ARRDC2: variants seen among roughly 807,000 people sequenced by gnomAD.
The protein encoded by ARRDC2 is arrestin domain containing 2.
In ARRDC2, 39 loss-of-function variants were observed where a neutral mutation model predicts 38.9. The observed-to-expected ratio is 1.00, with a 90% CI of 0.78 to 1.31. The LOEUF (loss-of-function observed/expected upper bound fraction) is 1.31. ARRDC2 is among the 50% of genes most tolerant of loss of function. The probability of loss-of-function intolerance (pLI) is 0.00; values close to 1 mark genes in which losing one functional copy is unlikely to be tolerated. For missense variants in ARRDC2, 553 were observed against 588.4 expected, an observed-to-expected ratio of 0.94 and a Z score of 0.62; for synonymous variants, 300 against 261.9, an observed-to-expected ratio of 1.15 and a Z score of -1.41.
At chr19:18,001,444 C>G (rs1346582505) in exon 1 of ARRDC2, 3 of 1,250,238 alleles carry the variant, frequency 2.4e-6, no homozygotes, top group Non-Finnish European at 3.0e-6. Context: ...GGTGCGAGCG[C>G]TCGAGGTGAA....
At chr19:18,007,707 C>T (rs2033307395), upstream of ARRDC2, 1 of 156,286 alleles carries the variant, frequency 6.4e-6, no homozygotes, top group Non-Finnish European at 1.4e-5. Flanking sequence ...CACCCACCTC[C>T]TCCACTTCTC....
chr19:18,002,019 G>C (rs939561576), intron 1 of ARRDC2, among the ~76,000 whole-genome samples: 8 of 152,202 alleles, frequency 5.3e-5, no homozygotes, highest in African/African-American at 1.9e-4. Flanking sequence ...AGACTGTGCG[G>C]TGGGGAGACC....
At chr19:18,001,945 C>G (rs1443582848) in intron 1 of ARRDC2, among the ~76,000 whole-genome samples, 1 of 152,192 alleles carries the variant, frequency 6.6e-6, no homozygotes, top group African/African-American at 2.4e-5. Context: ...AGGACCCCCA[C>G]TAACCGGGAA....
chr19:18,008,354 G>T lies in ARRDC2; in HGVS notation c.44G>T (p.Gly15Val). 1.9e-6 allele frequency: 3 copies of T among 1,597,044 alleles called. No homozygotes were observed. Among genetic ancestry groups the T allele is most frequent in the Non-Finnish European group, 1.7e-6 (2 of 1,179,046 alleles). ...AAAGCGTTCTCGGTGCAGTTGGACG[G>T]CGCGACCGCGGGCGTCGAGCCCGTG... ...KVKAFSVQLD[G>V]ATAGVEPVFS... is the part of the protein sequence containing the mutation. Residue 15 changes from glycine to valine, a missense_variant, in exon 1 of 8, where the codon GGC becomes GTC. This residue lies in a region of ARRDC2 where 447 missense variants were observed against 456.6 expected (regional missense o/e 0.98). Transcript: ENST00000222250.
Position 18,009,101 on chromosome 19 carries a change from A to G in ARRDC2, c.472A>G (p.Asn158Asp), listed in dbSNP as rs2033349415. ...VFTVIEPVDI[N>D]TPALLAPQAG... is the part of the protein sequence containing the mutation. ...CACTGTCATCGAGCCTGTGGACATC[A>G]ACACGCCAGCCCTGCTGGTGAGTGG... The change falls in exon 3 of 8, where the codon AAC (asparagine) becomes GAC (aspartate). Residue 158 changes from asparagine (N) to aspartate (D), a missense_variant. By Grantham distance (23) the Asn-to-Asp change is conservative (BLOSUM62 1). Transcript: ENST00000222250. 1.2e-6 allele frequency: 2 copies of G among 1,613,502 alleles called. No homozygotes were observed. Among genetic ancestry groups the G allele is most frequent in the South Asian group, 1.1e-5 (1 of 91,086 alleles).
At chr19:18,006,019 T>C, upstream of ARRDC2, among the ~76,000 whole-genome samples, 1 of 147,818 alleles carries the variant, frequency 6.8e-6, no homozygotes, top group South Asian at 2.1e-4. Context: ...TCCCCACATC[T>C]CAGACGATGG....
At position 18,013,976 on chromosome 19, in the gene ARRDC2, C is replaced by T. The variant is rs2033462403; in HGVS notation, c.*1010C>T. ...TTAGAGGGGGCAGCTGGACAAGCTCCCAACTGCAGAGTCCCAGCCCTGGCT... is the reference window on the plus strand; with the variant it reads ...TTAGAGGGGGCAGCTGGACAAGCTCTCAACTGCAGAGTCCCAGCCCTGGCT... On this transcript the variant is annotated 3_prime_UTR_variant, in exon 8 of 8. Coordinates refer to ENST00000222250, the MANE Select transcript of ARRDC2 (RefSeq NM_015683.2). 1 of 152,116 alleles carries T rather than the reference C, an allele frequency of 6.6e-6. No individual in the cohort carries two copies. The highest frequency in any genetic ancestry group is 1.5e-5 in the Non-Finnish European group (1 of 68,028). The allele number at this position is 152,116 out of a possible 1,614,324, so 9.4% of individuals were successfully genotyped here.
rs778148338 is a variant in ARRDC2 at position 18,008,282 on chromosome 19, G to C, written c.-29G>C. On this transcript the variant is annotated 5_prime_UTR_variant, in exon 1 of 8. Transcript: ENST00000222250. ...GTTCGCGAGTTCGAGGCCAGGTTCC[G>C]CCTGTCGTGGGTTCGCACCCCGGAC... is the stretch of plus-strand genomic sequence containing the variant. 1 of 1,584,160 alleles carries C rather than the reference G, an allele frequency of 6.3e-7. No individual in the cohort carries two copies. Among genetic ancestry groups the C allele is most frequent in the Admixed American group, 1.7e-5 (1 of 58,052 alleles).
chr19:18,008,138 C>CCCCGA, upstream of ARRDC2: 1 of 1,339,280 alleles, frequency 7.5e-7, no homozygotes, highest in Non-Finnish European at 9.6e-7. Flanking sequence ...CCCGCCCTGC[C>CCCCGA]GTATAAAAGC....
upstream of ARRDC2, chr19:18,008,019 G>GC (rs2033314501): frequency 6.6e-6 from 5 of 754,406 alleles, no homozygotes; most frequent in Middle Eastern, 8.4e-4. Context: ...CCGGCGGTGA[G>GC]CAGGGGCGTT....
At chr19:18,004,317 G>A (rs556932150), upstream of ARRDC2, among the ~76,000 whole-genome samples, 3 of 140,300 alleles carry the variant, frequency 2.1e-5, no homozygotes, top group Admixed American at 1.5e-4. Flanking sequence ...GCATGATCTC[G>A]CCTCACTGCA....
At chr19:18,001,626 A>G in intron 1 of ARRDC2, 1 of 1,287,618 alleles carries the variant, frequency 7.8e-7, no homozygotes. Flanking sequence ...CTCGGCCGCG[A>G]CCCTCTTCAG....
intron 7 of ARRDC2, among the ~76,000 whole-genome samples, chr19:18,011,535 A>G (rs900814800): frequency 6.6e-6 from 1 of 152,206 alleles, no homozygotes; most frequent in Admixed American, 6.5e-5. Context: ...GGTCAGAGAC[A>G]TTTGAAAAAT....
In ARRDC2 at chr19:18,009,767, C is replaced by T; in HGVS notation, c.593-16C>T. 1 of 1,613,096 alleles carries T rather than the reference C, an allele frequency of 6.2e-7. No homozygotes were observed. Among genetic ancestry groups the T allele is most frequent in the Non-Finnish European group, 8.5e-7 (1 of 1,179,826 alleles). ...TGCAGGAGGGGAAACTGAGGCCCCACTGCTCCTTGCTGCAGGAGAGGTCAT... is the reference window on the plus strand; with the variant it reads ...TGCAGGAGGGGAAACTGAGGCCCCATTGCTCCTTGCTGCAGGAGAGGTCAT... On this transcript the variant is annotated splice_polypyrimidine_tract_variant and intron_variant, in intron 4 of 7. Transcript: ENST00000222250.
upstream of ARRDC2, among the ~76,000 whole-genome samples, chr19:18,005,624 ACCCCCCGACCTCCCTCCCGGACGG>A (rs1568465593): frequency 4.3e-4 from 62 of 143,052 alleles, no homozygotes; most frequent in Admixed American, 6.2e-4. Flanking sequence ...TGGGGGGCTG[ACCCCCCGACCTCCCTCCCGGACGG>A]GGCGGCTGGC....
Position 18,010,614 on chromosome 19 carries a change from C to T in ARRDC2, c.1055C>T (p.Ala352Val). Residue 352 changes from alanine to valine, a missense_variant, in exon 7 of 8, where the codon GCA becomes GTA. Physicochemically the swap from Ala to Val is moderately conservative, Grantham distance 64. Coordinates refer to ENST00000222250, the MANE Select transcript of ARRDC2 (RefSeq NM_015683.2). ...GAGGTGGTAGCCGACACTGAGGAGG[C>T]AGCCTTGGGGCAGAGCCCCTTCCCG... ...YSEVVADTEE[A>V]ALGQSPFPLP... The T allele has an allele frequency of 1.2e-6, 2 of 1,613,912 alleles. No homozygotes were observed.
intron 2 of ARRDC2, 91 bp from the exon 3 acceptor site, chr19:18,008,880 C>G (rs2033342071): frequency 3.8e-6 from 6 of 1,594,628 alleles, no homozygotes; most frequent in Non-Finnish European, 4.3e-6. Context: ...AAGACTCTCC[C>G]CCTGGGAGGC....
In ARRDC2 at chr19:18,008,691, C is replaced by T; in HGVS notation, c.275-20C>T. ...CCCCAGCGCAACCGCTCAGTCGCCT[C>T]CTTTTTCTCCTACCTGCAGATACCG... is the stretch of plus-strand genomic sequence containing the variant. On this transcript the variant is annotated intron_variant, in intron 1 of 7. Transcript: ENST00000222250. 1.2e-6 allele frequency: 2 copies of T among 1,612,442 alleles called. No individual in the cohort carries two copies. Among genetic ancestry groups the T allele is most frequent in the Non-Finnish European group, 8.5e-7 (1 of 1,179,974 alleles).
intron 7 of ARRDC2, among the ~76,000 whole-genome samples, chr19:18,011,948 A>AT (rs1568468826): frequency 1.5e-4 from 8 of 55,096 alleles, no homozygotes; most frequent in South Asian, 6.5e-4. Flanking sequence ...ATATATATAT[A>AT]TATATTTTTT....
Sources: allele counts gnomAD v4.1 joint callset (sites outside exome capture counted in the v4.1 genomes callset), GRCh38; gene constraint gnomAD v4.1.1; regional missense constraint gnomAD v4.1.1; transcripts MANE v1.5; gene names NCBI Gene and HGNC (gene_info 2026-07-23, HGNC 2026-07-21).